AOPEP: variants seen among roughly 807,000 people sequenced by gnomAD.
AOPEP encodes aminopeptidase O.
A neutral mutation model predicts 98.1 loss-of-function variants in AOPEP; 77 were observed. The observed-to-expected ratio is 0.78, with a 90% CI of 0.65 to 0.95. The LOEUF (loss-of-function observed/expected upper bound fraction) is 0.95, where lower values mean the gene tolerates loss of function less well. Among genes scored for constraint, AOPEP ranks in the 40% least tolerant of loss-of-function variants. The pLI, the probability that AOPEP is intolerant of heterozygous loss-of-function variation, is 0.00. For missense variants in AOPEP, 1,024 were observed against 1,024.7 expected, an observed-to-expected ratio of 1.00 and a Z score of 0.01; for synonymous variants, 346 against 365.3, an observed-to-expected ratio of 0.95 and a Z score of 0.60.
chr9:94,806,159 G>C (rs1849222964), intron 5 of AOPEP, among the ~76,000 whole-genome samples: 2 of 152,126 alleles, frequency 1.3e-5, no homozygotes, highest in African/African-American at 4.8e-5. Context: ...ATCAGATTTT[G>C]AGCCTTAAAT....
intron 13 of AOPEP, among the ~76,000 whole-genome samples, chr9:95,047,093 GTT>G (rs990478506): frequency 6.6e-6 from 1 of 152,174 alleles, no homozygotes; most frequent in Non-Finnish European, 1.5e-5. Flanking sequence ...CACATGAACA[GTT>G]TAGGATTTTC....
chr9:95,145,033 G>C, the AOPEP span, among the ~76,000 whole-genome samples: 59 of 152,144 alleles, frequency 3.9e-4, no homozygotes, highest in African/African-American at 1.3e-3. Context: ...ACCATTTTTC[G>C]AATCAAGTGA....
the AOPEP span, chr9:95,126,797 C>T: frequency 2.0e-5 from 11 of 558,532 alleles, no homozygotes; most frequent in East Asian, 3.5e-4. Flanking sequence ...CAGCTTATTC[C>T]TCTGTATACT....
At chr9:94,780,353 A>C (rs1255161957) in intron 3 of AOPEP, among the ~76,000 whole-genome samples, 1 of 152,072 alleles carries the variant, frequency 6.6e-6, no homozygotes, top group Non-Finnish European at 1.5e-5. Flanking sequence ...ATATCTGTGG[A>C]CCTTTTTTTT....
At chr9:94,775,194 T>C (rs879818346) in intron 3 of AOPEP, among the ~76,000 whole-genome samples, 1 of 152,178 alleles carries the variant, frequency 6.6e-6, no homozygotes, top group Admixed American at 6.5e-5. Context: ...TTTATAACTC[T>C]TTAATCAGTC....
rs1589237102 is a variant in AOPEP at position 95,005,581 on chromosome 9, C to G, written c.2080C>G (p.Arg694Gly). Residue 694 changes from arginine (R) to glycine (G), a missense_variant, in exon 13 of 17, where the codon CGG becomes GGG. Coordinates refer to ENST00000375315, the MANE Select transcript of AOPEP (RefSeq NM_001193329.3). Reference protein sequence around the residue: ...WIGVNRRPRKRKRREKEEVFE... With the variant: ...WIGVNRRPRKGKRREKEEVFE... ...TGGAGTGAACCGGAGACCCCGAAAA[C>G]GGAAGCGCAGGGAGAAGGAAGAGGT... is the stretch of plus-strand genomic sequence containing the variant. The G allele has an allele frequency of 1.2e-6, 2 of 1,613,892 alleles. No individual in the cohort carries two copies. Among genetic ancestry groups the G allele is most frequent in the East Asian group, 2.2e-5 (1 of 44,858 alleles).
intron 3 of AOPEP, among the ~76,000 whole-genome samples, chr9:94,785,904 G>A (rs1844326257): frequency 6.6e-6 from 1 of 152,186 alleles, no homozygotes; most frequent in South Asian, 2.1e-4. Flanking sequence ...AAGTCATACA[G>A]GATGCCCCCT....
chr9:94,892,834 C>T (rs577819001), intron 5 of AOPEP, among the ~76,000 whole-genome samples: 1 of 152,304 alleles, frequency 6.6e-6, no homozygotes, highest in South Asian at 2.1e-4. Flanking sequence ...CTGCCTCAGC[C>T]TGTCAAGTAG....
chr9:94,843,738 C>T (rs1564240841), intron 5 of AOPEP, among the ~76,000 whole-genome samples: 1 of 152,106 alleles, frequency 6.6e-6, no homozygotes, highest in Non-Finnish European at 1.5e-5. Context: ...TCTTGAATAC[C>T]CCATTACTAT....
At chr9:94,803,211 A>G (rs1210617875) in intron 5 of AOPEP, among the ~76,000 whole-genome samples, 1 of 152,208 alleles carries the variant, frequency 6.6e-6, no homozygotes, top group African/African-American at 2.4e-5. Flanking sequence ...AGATCAAAGG[A>G]CTTCTTGGTA....
intron 5 of AOPEP, among the ~76,000 whole-genome samples, chr9:94,863,576 C>T (rs1481575499): frequency 6.6e-6 from 1 of 152,068 alleles, no homozygotes; most frequent in East Asian, 1.9e-4. Context: ...CCACAACGCC[C>T]AGCTAATTTT....
In AOPEP at chr9:95,078,715, T is replaced by C. The variant is rs138149612; in HGVS notation, c.2233-1979T>C. 7.1e-4 allele frequency among the ~76,000 whole-genome samples: 108 copies of C among 152,372 alleles called. 1 individual carries two copies. Among genetic ancestry groups the C allele is most frequent in the African/African-American group, 2.5e-3 (105 of 41,586 alleles). On this transcript the variant is annotated intron_variant, in intron 14 of 16. Transcript: ENST00000375315. Reference sequence around the variant, plus strand: ...CAGCCTTGGGGAGCTGGTGCCCATCTTCACAAAGCTCGCAGCAGATGACAC... The same window carrying C: ...CAGCCTTGGGGAGCTGGTGCCCATCCTCACAAAGCTCGCAGCAGATGACAC...
intron 5 of AOPEP, among the ~76,000 whole-genome samples, chr9:94,863,446 A>G (rs1157961075): frequency 6.6e-6 from 1 of 151,770 alleles, no homozygotes; most frequent in Non-Finnish European, 1.5e-5. Context: ...ACGCCTGGCT[A>G]ATTTTTTATA....
intron 5 of AOPEP, among the ~76,000 whole-genome samples, chr9:94,829,214 G>A (rs561351597): frequency 4.6e-5 from 7 of 150,578 alleles, no homozygotes; most frequent in Non-Finnish European, 7.4e-5. Context: ...ACACACACAC[G>A]CACACGCACA....
chr9:94,928,331 T>G, intron 6 of AOPEP, 94 bp from the exon 7 acceptor site: 1 of 862,948 alleles, frequency 1.2e-6, no homozygotes, highest in South Asian at 1.6e-5. Flanking sequence ...GCAGGCTATC[T>G]TGTCCCCCAT....
the AOPEP span, chr9:95,111,480 G>A: frequency 1.2e-6 from 2 of 1,613,444 alleles, no homozygotes; most frequent in East Asian, 4.5e-5. Flanking sequence ...TGTGCTCTCT[G>A]CTGCCTCCCA....
At position 94,924,068 on chromosome 9, in the gene AOPEP, C is replaced by T. The variant is rs1471420066; in HGVS notation, c.1447C>T (p.His483Tyr). Residue 483 changes from histidine (H) to tyrosine (Y), a missense_variant, in exon 6 of 17, where the codon CAT (histidine) becomes TAT (tyrosine). By Grantham distance (83) the His-to-Tyr change is moderately conservative. This residue lies in a region of AOPEP where 566 missense variants were observed against 551.7 expected (regional missense o/e 1.03). Coordinates refer to ENST00000375315, the MANE Select transcript of AOPEP (RefSeq NM_001193329.3). ...GACCCGCCTCTGCCATGAAATTGCC[C>T]ATGCCTGGTTTGGCCTAGCCATCGG... ...CGTRLCHEIA[H>Y]AWFGLAIGAR... 13 of 1,528,282 alleles carry T rather than the reference C, an allele frequency of 8.5e-6. No individual in the cohort carries two copies. Among genetic ancestry groups the T allele is most frequent in the Non-Finnish European group, 1.1e-5 (13 of 1,135,600 alleles). The allele number at this position is 1,528,282 out of a possible 1,614,324, so 94.7% of individuals were successfully genotyped here.
chr9:95,126,378 T>C, the AOPEP span: 21 of 755,302 alleles, frequency 2.8e-5, 2 homozygotes, highest in South Asian at 3.3e-4. Flanking sequence ...TTTTTACCTC[T>C]AATTACCAAA....
intron 13 of AOPEP, among the ~76,000 whole-genome samples, chr9:95,051,421 T>A (rs1005861632): frequency 4.6e-5 from 7 of 151,958 alleles, no homozygotes; most frequent in African/African-American, 1.7e-4. Context: ...GTTTTGATTT[T>A]AAAAAACCCT....
Sources: allele counts gnomAD v4.1 joint callset (sites outside exome capture counted in the v4.1 genomes callset), GRCh38; gene constraint gnomAD v4.1.1; regional missense constraint gnomAD v4.1.1; transcripts MANE v1.5; gene names NCBI Gene and HGNC (gene_info 2026-07-23, HGNC 2026-07-21).